HEMK2: variants seen among roughly 807,000 people sequenced by gnomAD.
HEMK2 encodes HemK methyltransferase 2, ETF1 glutamine and histone H4 lysine, also known as methyltransferase HEMK2.
At chr21:28,849,904 G>A in the HEMK2 span, among the ~76,000 whole-genome samples, 1 of 152,196 alleles carries the variant, frequency 6.6e-6, no homozygotes, top group African/African-American at 2.4e-5. Context: ...TGGCATCCCT[G>A]AGAAAGAGAG....
the HEMK2 span, among the ~76,000 whole-genome samples, chr21:28,655,003 C>G: frequency 6.6e-6 from 1 of 152,002 alleles, no homozygotes; most frequent in Non-Finnish European, 1.5e-5. Flanking sequence ...AAATATCCAT[C>G]TTTAATGAAC....
chr21:28,869,152 C>T, the HEMK2 span, among the ~76,000 whole-genome samples: 12 of 152,124 alleles, frequency 7.9e-5, no homozygotes, highest in Admixed American at 2.0e-4. Context: ...TAAGAAAGTT[C>T]CTTCTCTTCC....
chr21:28,739,676 T>A, the HEMK2 span, among the ~76,000 whole-genome samples: 1 of 152,252 alleles, frequency 6.6e-6, no homozygotes, highest in Non-Finnish European at 1.5e-5. Flanking sequence ...ACTGTCCCTA[T>A]AGCCATTAGC....
chr21:28,740,579 C>T, the HEMK2 span, among the ~76,000 whole-genome samples: 1 of 152,218 alleles, frequency 6.6e-6, no homozygotes, highest in Non-Finnish European at 1.5e-5. Flanking sequence ...CCTTCCTTCA[C>T]CAGCCTCGGC....
the HEMK2 span, among the ~76,000 whole-genome samples, chr21:28,838,972 A>AAAAAAAAAATATATATATATATAT: frequency 3.4e-5 from 1 of 29,154 alleles, no homozygotes. Flanking sequence ...AAAAAAAAAA[A>AAAAAAAAAATATATATATATATAT]ATATATATAT....
chr21:28,767,231 T>C, the HEMK2 span, among the ~76,000 whole-genome samples: 2 of 152,156 alleles, frequency 1.3e-5, no homozygotes, highest in East Asian at 1.9e-4. Context: ...CCCAGCCACA[T>C]GGAACTGTAC....
the HEMK2 span, among the ~76,000 whole-genome samples, chr21:28,831,771 G>GAAAGAAAGAAAGAAAGAAAGAA: frequency 3.7e-4 from 54 of 144,662 alleles, no homozygotes; most frequent in African/African-American, 1.3e-3. Flanking sequence ...AAGAAAGAAA[G>GAAAGAAAGAAAGAAAGAAAGAA]AAACAGTATC....
At chr21:28,841,044 TA>T in the HEMK2 span, among the ~76,000 whole-genome samples, 1 of 77,582 alleles carries the variant, frequency 1.3e-5, no homozygotes, top group African/African-American at 6.7e-5. Flanking sequence ...ATATTATATA[TA>T]AATAAATATT....
At chr21:28,813,173 C>A in the HEMK2 span, among the ~76,000 whole-genome samples, 1 of 152,164 alleles carries the variant, frequency 6.6e-6, no homozygotes, top group Admixed American at 6.5e-5. Context: ...TCTCTCTTTG[C>A]AGATGACATG....
the HEMK2 span, among the ~76,000 whole-genome samples, chr21:28,652,264 C>A: frequency 6.6e-6 from 1 of 152,228 alleles, no homozygotes; most frequent in Non-Finnish European, 1.5e-5. Context: ...ACTCTCCCCT[C>A]TTCACTGGGG....
At chr21:28,852,625 G>T in the HEMK2 span, among the ~76,000 whole-genome samples, 1 of 152,050 alleles carries the variant, frequency 6.6e-6, no homozygotes, top group African/African-American at 2.4e-5. Flanking sequence ...AGTGTAGTGG[G>T]GTCCTTACAC....
chr21:28,613,616 A>ATTTTTTTT, the HEMK2 span, among the ~76,000 whole-genome samples: 4 of 47,026 alleles, frequency 8.5e-5, no homozygotes, highest in Admixed American at 3.1e-4. Context: ...CTTTCTGCAT[A>ATTTTTTTT]TTCTTTTTTT....
At chr21:28,880,949 A>AAAAAAAAAAAAAAAAAAAG in the HEMK2 span, among the ~76,000 whole-genome samples, 1 of 139,694 alleles carries the variant, frequency 7.2e-6, no homozygotes, top group Non-Finnish European at 1.6e-5. Flanking sequence ...AAAAAAAAAA[A>AAAAAAAAAAAAAAAAAAAG]AAACCGGAAA....
the HEMK2 span, among the ~76,000 whole-genome samples, chr21:28,868,883 T>G: frequency 1.3e-5 from 2 of 152,182 alleles, no homozygotes; most frequent in African/African-American, 4.8e-5. Context: ...CTTATTATAA[T>G]AAGTCAGTGG....
At chr21:28,804,918 C>G in the HEMK2 span, among the ~76,000 whole-genome samples, 70 of 152,300 alleles carry the variant, frequency 4.6e-4, no homozygotes, top group African/African-American at 1.5e-3. Context: ...TCAAAGTACC[C>G]TGAGAGTTTC....
At chr21:28,651,242 T>C in the HEMK2 span, among the ~76,000 whole-genome samples, 1 of 152,216 alleles carries the variant, frequency 6.6e-6, no homozygotes. Context: ...GTGAGAAGTA[T>C]TCCTTTTCCC....
chr21:28,659,315 CTAATTAACCTGTTAGAGCATTT>C, the HEMK2 span, among the ~76,000 whole-genome samples: 1 of 152,104 alleles, frequency 6.6e-6, no homozygotes, highest in Non-Finnish European at 1.5e-5. Context: ...AAGATACCTT[CTAATTAACCTGTTAGAGCATTT>C]TGTTCCAAAT....
chr21:28,632,120 G>A, the HEMK2 span, among the ~76,000 whole-genome samples: 1 of 152,186 alleles, frequency 6.6e-6, no homozygotes, highest in Admixed American at 6.5e-5. Context: ...AACAATGAGT[G>A]AGTTGAATAA....
the HEMK2 span, among the ~76,000 whole-genome samples, chr21:28,687,289 C>A: frequency 2.0e-5 from 3 of 152,282 alleles, no homozygotes; most frequent in Non-Finnish European, 4.4e-5. Flanking sequence ...GGGGCTAGGA[C>A]CCCTGGATTC....
Sources: gnomAD v4.1 joint callset for allele counts (sites outside exome capture counted in the v4.1 genomes callset) on GRCh38, gnomAD v4.1.1 for gene constraint, MANE v1.5 for transcripts, NCBI Gene and HGNC (gene_info 2026-07-23, HGNC 2026-07-21) for gene names.